ARHGEF38: variants seen among roughly 807,000 people sequenced by gnomAD.
ARHGEF38 encodes Rho guanine nucleotide exchange factor (GEF) 38.
A neutral mutation model predicts 79.9 loss-of-function variants in ARHGEF38; 79 were observed. That is an observed-to-expected ratio of 0.99 (90% CI 0.82 to 1.19). The LOEUF (loss-of-function observed/expected upper bound fraction) is 1.19. ARHGEF38 is among the 50% of genes most tolerant of loss of function. The pLI, the probability that ARHGEF38 is intolerant of heterozygous loss-of-function variation, is 0.00. For missense variants in ARHGEF38, 962 were observed against 907.2 expected, an observed-to-expected ratio of 1.06 and a Z score of -0.78; for synonymous variants, 366 against 328.3, an observed-to-expected ratio of 1.11 and a Z score of -1.24.
intron 3 of ARHGEF38, among the ~76,000 whole-genome samples, chr4:105,621,704 G>C (rs149002686): frequency 3.9e-5 from 6 of 152,270 alleles, no homozygotes; most frequent in African/African-American, 1.4e-4. Context: ...CTACATTGGA[G>C]CTCACTTAAA....
intron 1 of ARHGEF38, among the ~76,000 whole-genome samples, chr4:105,567,534 G>A (rs1725987514): frequency 6.6e-6 from 1 of 152,108 alleles, no homozygotes; most frequent in Non-Finnish European, 1.5e-5. Context: ...ATTAAGTCTT[G>A]AAAAATATGC....
chr4:105,607,134 C>T (rs1312573890), intron 2 of ARHGEF38, among the ~76,000 whole-genome samples: 1 of 152,052 alleles, frequency 6.6e-6, no homozygotes, highest in African/African-American at 2.4e-5. Context: ...TAAACAGAAG[C>T]CTATAAACAG....
Position 105,680,370 on chromosome 4 carries a change from A to G in ARHGEF38, c.*2433A>G. 1 of 240,262 alleles carries G rather than the reference A, an allele frequency of 4.2e-6. No homozygotes were observed. The highest frequency in any genetic ancestry group is 8.2e-6 in the Non-Finnish European group (1 of 121,252). The allele number at this position is 240,262 out of a possible 1,614,324, so 14.9% of individuals were successfully genotyped here. On this transcript the variant is annotated 3_prime_UTR_variant, in exon 14 of 14. Coordinates refer to ENST00000420470, the MANE Select transcript of ARHGEF38 (RefSeq NM_001242729.2). ...GCTTATCTGTCCATTCATTCATTGA[A>G]CCAGTAAGTATTTATTGAGAGTTAG...
chr4:105,658,348 T>C (rs551052230), intron 9 of ARHGEF38, among the ~76,000 whole-genome samples: 1 of 152,182 alleles, frequency 6.6e-6, no homozygotes, highest in African/African-American at 2.4e-5. Context: ...TGCAGTGAGC[T>C]GAGAAAGTGC....
Position 105,648,550 on chromosome 4 carries a change from T to C in ARHGEF38, c.876T>C (p.Val292=). ...CGTTATTACATTCTTCCTTTTCAGT[T>C]CTAAAATACAAGAAGAATGACGAGG... The part of the protein sequence containing the change: ...INELKRRKDL[V]LKYKKNDEDE... Residue 292 remains valine (V), a splice_region_variant and synonymous_variant, in exon 7 of 14, where the codon GTT becomes GTC. Transcript: ENST00000420470. 1 of 1,507,262 alleles carries C rather than the reference T, an allele frequency of 6.6e-7. No individual in the cohort carries two copies. The allele number at this position is 1,507,262 out of a possible 1,614,324, so 93.4% of individuals were successfully genotyped here.
At chr4:105,671,607 T>C (rs1339868814) in intron 13 of ARHGEF38, among the ~76,000 whole-genome samples, 1 of 152,224 alleles carries the variant, frequency 6.6e-6, no homozygotes, top group Admixed American at 6.5e-5. Flanking sequence ...GATTAACCTC[T>C]GTATTTGTGA....
intron 1 of ARHGEF38, among the ~76,000 whole-genome samples, chr4:105,581,478 A>G (rs1482552667): frequency 6.6e-6 from 1 of 152,072 alleles, no homozygotes; most frequent in African/African-American, 2.4e-5. Flanking sequence ...CATATTTTAC[A>G]TGTCTATTGC....
rs1731221041 is a variant in ARHGEF38, at chr4:105,679,140, G to T, written c.*1203G>T. On this transcript the variant is annotated 3_prime_UTR_variant, in exon 14 of 14. Coordinates refer to ENST00000420470, the MANE Select transcript of ARHGEF38 (RefSeq NM_001242729.2). ...ATCTTGCCGACTTTCCTGAGCAACTGCTTTGTCGACTCTCTCTACCTGACC... is the reference window on the plus strand; with the variant it reads ...ATCTTGCCGACTTTCCTGAGCAACTTCTTTGTCGACTCTCTCTACCTGACC... 3.4e-6 allele frequency: 2 copies of T among 582,018 alleles called. No individual in the cohort carries two copies. The allele number at this position is 582,018 out of a possible 1,614,324, so 36.1% of individuals were successfully genotyped here.
Position 105,645,335 on chromosome 4 carries a change from T to A in ARHGEF38, c.822T>A (p.Ala274=). The change falls in exon 6 of 14, where the codon GCT becomes GCA. Residue 274 remains alanine (A), a synonymous_variant. Coordinates refer to ENST00000420470, the MANE Select transcript of ARHGEF38 (RefSeq NM_001242729.2). ...GAGCACTGGACGATGCCTTTGCTGC[T>A]GTGAAGGACATTAATGTTAACATCA... ...DYRALDDAFA[A]VKDINVNINE... 1 of 1,533,184 alleles carries A rather than the reference T, an allele frequency of 6.5e-7. No individual in the cohort carries two copies. The highest frequency in any genetic ancestry group is 8.7e-7 in the Non-Finnish European group (1 of 1,146,216). The allele number at this position is 1,533,184 out of a possible 1,614,324, so 95.0% of individuals were successfully genotyped here.
chr4:105,587,144 T>A (rs770875439), intron 1 of ARHGEF38, among the ~76,000 whole-genome samples: 3 of 152,118 alleles, frequency 2.0e-5, no homozygotes, highest in Non-Finnish European at 2.9e-5. Context: ...TACTTTCCAA[T>A]GCAAATATTA....
chr4:105,581,911 AT>A (rs1726809244), intron 1 of ARHGEF38, among the ~76,000 whole-genome samples: 1 of 151,960 alleles, frequency 6.6e-6, no homozygotes. Flanking sequence ...CACGCTTGTA[AT>A]CCCAGCACTT....
chr4:105,601,132 A>C (rs1451091415), intron 2 of ARHGEF38, among the ~76,000 whole-genome samples: 3 of 152,080 alleles, frequency 2.0e-5, no homozygotes, highest in African/African-American at 7.2e-5. Context: ...ATTAAAACCT[A>C]ATATACTCAT....
In ARHGEF38 at chr4:105,582,502, ATTTTGTAGG is replaced by A. The variant is rs371822138; in HGVS notation, c.197-6740_197-6732del. 5.2e-3 allele frequency among the ~76,000 whole-genome samples: 794 copies of A among 152,166 alleles called. 11 individuals are homozygous for A. Among genetic ancestry groups the A allele is most frequent in the African/African-American group, 0.018 (751 of 41,534 alleles). ...TCATTTCTTCTGTGACCCATCAGTT[ATTTTGTAGG>A]TTTTGGTTCTCTATTAATTCCAAAA... On this transcript the variant is annotated intron_variant, in intron 1 of 13. Transcript: ENST00000420470.
chr4:105,573,094 G>A (rs1726316151), intron 1 of ARHGEF38, among the ~76,000 whole-genome samples: 1 of 152,000 alleles, frequency 6.6e-6, no homozygotes, highest in South Asian at 2.1e-4. Flanking sequence ...TGTTTATTTT[G>A]TTGTTGTTAT....
At chr4:105,601,768 C>T (rs1358176768) in intron 2 of ARHGEF38, among the ~76,000 whole-genome samples, 1 of 152,128 alleles carries the variant, frequency 6.6e-6, no homozygotes, top group African/African-American at 2.4e-5. Flanking sequence ...AGGCCCTTCA[C>T]ATGTCCAAGA....
Position 105,659,293 on chromosome 4 carries a change from T to C in ARHGEF38, c.1473T>C (p.Cys491=), listed in dbSNP as rs28711802. The change falls in exon 10 of 14, where the codon TGT becomes TGC. Residue 491 remains cysteine (C), a synonymous_variant. Transcript: ENST00000420470. ...NQAARKILLN[C]LCSFITLLRD... ...CTGCTCGGAAGATTCTGTTGAACTG[T>C]CTATGCAGCTTCATTACCCTCCTTA... The C allele has an allele frequency of 6.5e-7, 1 of 1,535,938 alleles. No homozygotes were observed. The highest frequency in any genetic ancestry group is 1.4e-5 in the African/African-American group (1 of 73,024).
At chr4:105,633,774 C>T (rs1217190508) in intron 4 of ARHGEF38, among the ~76,000 whole-genome samples, 2 of 151,946 alleles carry the variant, frequency 1.3e-5, no homozygotes, top group Non-Finnish European at 2.9e-5. Flanking sequence ...TAGTTCTTGC[C>T]TCTCAGGAAC....
At chr4:105,567,535 A>G (rs1180163122) in intron 1 of ARHGEF38, among the ~76,000 whole-genome samples, 1 of 152,210 alleles carries the variant, frequency 6.6e-6, no homozygotes, top group Admixed American at 6.5e-5. Context: ...TTAAGTCTTG[A>G]AAAATATGCC....
intron 5 of ARHGEF38, among the ~76,000 whole-genome samples, chr4:105,642,241 G>A (rs934970899): frequency 2.0e-5 from 3 of 152,020 alleles, no homozygotes; most frequent in Non-Finnish European, 4.4e-5. Flanking sequence ...TTGTCTGTGC[G>A]ATGCAGTTTT....
Sources: gnomAD v4.1 joint callset for allele counts (sites outside exome capture counted in the v4.1 genomes callset) on GRCh38, gnomAD v4.1.1 for gene constraint, MANE v1.5 for transcripts, NCBI Gene and HGNC (gene_info 2026-07-23, HGNC 2026-07-21) for gene names.